The following SLC4A11 variants were observed in gnomAD, a reference collection of about 807,000 sequenced individuals.
SLC4A11 encodes the protein bicarbonate transporter related protein 1.
A neutral mutation model predicts 95.0 loss-of-function variants in SLC4A11; 74 were observed. That is an observed-to-expected ratio of 0.78 (90% CI 0.65 to 0.95). The LOEUF (loss-of-function observed/expected upper bound fraction) is 0.95, where lower values mean the gene tolerates loss of function less well. SLC4A11 is among the 40% of genes least tolerant of loss of function. The pLI is 0.00. For missense variants in SLC4A11, 1,081 were observed against 1,192.4 expected, an observed-to-expected ratio of 0.91 and a Z score of 1.38; for synonymous variants, 548 against 519.0, an observed-to-expected ratio of 1.06 and a Z score of -0.76.
In SLC4A11 at chr20:3,229,028, C is replaced by T. The variant is rs201082919; in HGVS notation, c.2019-17G>A. 24 of 1,610,740 alleles carry T rather than the reference C, an allele frequency of 1.5e-5. No homozygotes were observed. The African/African-American group carries it at 2.8e-4, about 19-fold the overall frequency. On this transcript the variant is annotated splice_polypyrimidine_tract_variant and intron_variant, in intron 16 of 19. Coordinates refer to ENST00000642402, the MANE Select transcript of SLC4A11 (RefSeq NM_001174089.2). Reference sequence around the variant, plus strand: ...TTCACCAGCCTGCAGCAGACGGGCACTCGTGGACAGAGCCCCACAGCAGAG... The same window carrying T: ...TTCACCAGCCTGCAGCAGACGGGCATTCGTGGACAGAGCCCCACAGCAGAG...
At position 3,233,505 on chromosome 20, in the gene SLC4A11, C is replaced by T. The variant is rs765181438; in HGVS notation, c.729+9G>A. 4 of 1,613,506 alleles carry T rather than the reference C, an allele frequency of 2.5e-6. No homozygotes were observed. In the East Asian group the frequency reaches 6.7e-5, roughly 27 times the overall value. ...CCTTCTTCCCCAGGACACGGCACTA[C>T]CCACTCACCATCTTGGGTGGGGCCA... On this transcript the variant is annotated intron_variant, in intron 7 of 19. Transcript: ENST00000642402.
rs771137666 is a variant in SLC4A11 at position 3,229,376 on chromosome 20, T to C, written c.1819A>G (p.Ile607Val). The change falls in exon 15 of 20, where the codon ATC becomes GTC. Residue 607 changes from isoleucine (I) to valine (V), a missense_variant. By Grantham distance (29) the Ile-to-Val change is conservative. Around this residue, in one of 3 missense-constraint regions of SLC4A11, gnomAD observed 767 missense variants for 858.0 expected, o/e 0.89. Coordinates refer to ENST00000642402, the MANE Select transcript of SLC4A11 (RefSeq NM_001174089.2). ...ATTTCCCGGAAGCCATGGGAGCTGA[T>C]GAGGGAGAAGGCGAGCACCGCGATG... The part of the protein sequence containing the change: ...LPIAVLAFSL[I>V]SSHGFREIEM... 2.5e-6 allele frequency: 4 copies of C among 1,613,224 alleles called. No homozygotes were observed. Among genetic ancestry groups the C allele is most frequent in the East Asian group, 2.2e-5 (1 of 44,870 alleles).
rs2067902895 is a variant in SLC4A11, at chr20:3,234,534, G to A, written c.291+34C>T. The stretch of plus-strand genomic sequence containing the variant: ...GCCATCACCTCAGCCCCCAGGTAGA[G>A]GCCCCAGGACCACCTGCAGGACAGG... On this transcript the variant is annotated intron_variant, in intron 4 of 19. Coordinates refer to ENST00000642402, the MANE Select transcript of SLC4A11 (RefSeq NM_001174089.2). This position sits in a 1 kb window ranked among gnomAD's most constrained non-coding sequence, Gnocchi z 5.8. 1 of 1,613,228 alleles carries A rather than the reference G, an allele frequency of 6.2e-7. No homozygotes were observed. The highest frequency in any genetic ancestry group is 1.3e-5 in the African/African-American group (1 of 74,898).
rs776796677 is a variant in SLC4A11, at chr20:3,234,838, C to G, written c.145G>C (p.Asp49His). ...TFEAREEILG[D>H]EAFDTANSSI... is the part of the protein sequence containing the mutation. ...GAGTTGGCAGTGTCGAAGGCCTCAT[C>G]CCCCAGGATCTCCTCTCGGGCTTCG... Residue 49 changes from aspartate (D) to histidine (H), a missense_variant, in exon 3 of 20, where the codon GAT becomes CAT. This residue lies in a region of SLC4A11 where 310 missense variants were observed against 313.5 expected (regional missense o/e 0.99). Coordinates refer to ENST00000642402, the MANE Select transcript of SLC4A11 (RefSeq NM_001174089.2). This position sits in a 1 kb window ranked among gnomAD's most constrained non-coding sequence, Gnocchi z 5.8. 1.9e-6 allele frequency: 3 copies of G among 1,614,062 alleles called. No homozygotes were observed. The highest frequency in any genetic ancestry group is 2.5e-6 in the Non-Finnish European group (3 of 1,180,016).
chr20:3,228,685 G>A lies in SLC4A11; in HGVS notation c.2215C>T (p.Arg739Trp), dbSNP rs757553189. ...ACGCTGGCGCCCAGCGAGGTCAGCCGCGTCTCCTTCACGTTCACAATCCTG... is the reference window on the plus strand; with the variant it reads ...ACGCTGGCGCCCAGCGAGGTCAGCCACGTCTCCTTCACGTTCACAATCCTG... Reference protein sequence around the residue: ...YDTIVNVKETRLTSLGASVLV... With the variant: ...YDTIVNVKETWLTSLGASVLV... Residue 739 changes from arginine to tryptophan, a missense_variant, in exon 18 of 20, where the codon CGG becomes TGG. Physicochemically the swap from Arg to Trp is moderately radical, Grantham distance 101. Coordinates refer to ENST00000642402, the MANE Select transcript of SLC4A11 (RefSeq NM_001174089.2). 13 of 1,612,796 alleles carry A rather than the reference G, an allele frequency of 8.1e-6. No homozygotes were observed. Among genetic ancestry groups the A allele is most frequent in the East Asian group, 2.2e-5 (1 of 44,888 alleles).
At chr20:3,237,406 A>C (rs1421696856) in intron 2 of SLC4A11, 138 bp downstream of exon 2, 3 of 910,420 alleles carry the variant, frequency 3.3e-6, no homozygotes, top group Non-Finnish European at 5.4e-6. Flanking sequence ...GAAGAGTGGA[A>C]GCCAAAAGCA....
intron 2 of SLC4A11, among the ~76,000 whole-genome samples, chr20:3,235,973 T>C (rs2014426): frequency 0.64 from 96,934 of 151,960 alleles, 31,505 homozygotes; most frequent in African/African-American, 0.76. Context: ...CAGCCCTTCC[T>C]GTCTTGTGGG....
rs189741584 is a variant in SLC4A11, at chr20:3,235,138, T to G, written c.89-244A>C. On this transcript the variant is annotated intron_variant, in intron 2 of 19. Coordinates refer to ENST00000642402, the MANE Select transcript of SLC4A11 (RefSeq NM_001174089.2). ...GCTGAGACCAGGACCCTGCGCAGCT[T>G]TGACCCTTCAGCGTGAGAAAAACAT... Among the ~76,000 whole-genome samples the G allele has an allele frequency of 2.3e-3, 344 of 152,316 alleles. 1 individual carries two copies. Among genetic ancestry groups the G allele is most frequent in the African/African-American group, 7.8e-3 (326 of 41,556 alleles).
intron 1 of SLC4A11, chr20:3,238,871 G>A: frequency 8.1e-7 from 1 of 1,232,004 alleles, no homozygotes; most frequent in Non-Finnish European, 1.0e-6. Flanking sequence ...GACGGCGACA[G>A]CAGAGCCCTA....
Position 3,238,540 on chromosome 20 carries a change from G to A in SLC4A11, c.43+555C>T, listed in dbSNP as rs114294671. 5,270 of 993,802 alleles carry A rather than the reference G, an allele frequency of 5.3e-3. 17 individuals are homozygous for A. Among genetic ancestry groups the A allele is most frequent in the Middle Eastern group, 9.6e-3 (19 of 1,970 alleles). The allele number at this position is 993,802 out of a possible 1,614,324, so 61.6% of individuals were successfully genotyped here. A position where few individuals can be genotyped will look rare whatever the true frequency, so the allele number is the denominator to read the frequency against. On this transcript the variant is annotated intron_variant, in intron 1 of 19. Transcript: ENST00000642402. ...GCGGCCCACGTGCAGGTAAAGGGTC[G>A]TACAAACCTGGGTCCTGGCGGGGAC...
rs1348785567 is a variant in SLC4A11, at chr20:3,228,319, C to T, written c.2498G>A (p.Ser833Asn). Residue 833 changes from serine (S) to asparagine (N), a missense_variant, in exon 19 of 20, where the codon AGC becomes AAC. Ser to Asn is a conservative substitution (Grantham distance 46, BLOSUM62 1). Around this residue, in one of 3 missense-constraint regions of SLC4A11, gnomAD observed 767 missense variants for 858.0 expected, o/e 0.89. Transcript: ENST00000642402. ...QLLLLCAFGM[S>N]SLPYMKMIFP... is the part of the protein sequence containing the mutation. ...GATCATCTTCATGTAGGGCAGGGAGCTCATGCCGAAGGCACACAGCAGCAG... is the reference window on the plus strand; with the variant it reads ...GATCATCTTCATGTAGGGCAGGGAGTTCATGCCGAAGGCACACAGCAGCAG... 1.3e-5 allele frequency: 21 copies of T among 1,613,102 alleles called. No individual in the cohort carries two copies. In the South Asian group the frequency reaches 2.1e-4, roughly 16 times the overall value.
At chr20:3,238,834 G>C in intron 1 of SLC4A11, 1 of 1,193,664 alleles carries the variant, frequency 8.4e-7, no homozygotes, top group South Asian at 3.9e-5. Context: ...CGCTGCATCA[G>C]CTGTTCAAAC....
rs553992757 is a variant in SLC4A11, at chr20:3,229,148, G to A, written c.1965C>T (p.Leu655=). The part of the protein sequence containing the change: ...AMGLGFLLSM[L]FFIEQNLVAA... ...CCACCAAGTTCTGCTCGATGAAGAA[G>A]AGCATGGACAGCAGGAAGCCGAGGC... The change falls in exon 16 of 20, where the codon CTC becomes CTT. Residue 655 remains leucine (L), a synonymous_variant. Coordinates refer to ENST00000642402, the MANE Select transcript of SLC4A11 (RefSeq NM_001174089.2). 8.1e-6 allele frequency: 13 copies of A among 1,602,680 alleles called. No homozygotes were observed. The East Asian group carries it at 2.2e-4, about 28-fold the overall frequency.
chr20:3,233,556 A>G lies in SLC4A11; in HGVS notation c.687T>C (p.Cys229=), dbSNP rs1436338313. 2 of 1,613,578 alleles carry G rather than the reference A, an allele frequency of 1.2e-6. No individual in the cohort carries two copies. The highest frequency in any genetic ancestry group is 2.2e-5 in the East Asian group (1 of 44,850). ...GCACCAGGATGACGAACCGAACCTC[A>G]CAGGAATTCTCCCCCCAGTTCTGTG... ...VRPQNWGENS[C]EVRFVILVLA... Residue 229 remains cysteine, a synonymous_variant, in exon 7 of 20, where the codon TGT becomes TGC. Coordinates refer to ENST00000642402, the MANE Select transcript of SLC4A11 (RefSeq NM_001174089.2).
rs1049714081 is a variant in SLC4A11, at chr20:3,234,145, C to T, written c.461G>A (p.Cys154Tyr). ...CATGGCCATGAGCAGGTCCAGGTTGCAGTTGGGCTCATTGTTGTCAGGGTC... is the reference window on the plus strand; with the variant it reads ...CATGGCCATGAGCAGGTCCAGGTTGTAGTTGGGCTCATTGTTGTCAGGGTC... ...ARDPDNNEPN[C>Y]NLDLLMAMLF... The change falls in exon 5 of 20, where the codon TGC (cysteine) becomes TAC (tyrosine). Residue 154 changes from cysteine to tyrosine, a missense_variant. By Grantham distance (194) the Cys-to-Tyr change is radical. Coordinates refer to ENST00000642402, the MANE Select transcript of SLC4A11 (RefSeq NM_001174089.2). The surrounding 1 kb of genome is among the most constrained non-coding windows in gnomAD (Gnocchi z 5.8). 2 of 1,614,016 alleles carry T rather than the reference C, an allele frequency of 1.2e-6. No individual in the cohort carries two copies. Among genetic ancestry groups the T allele is most frequent in the Non-Finnish European group, 1.7e-6 (2 of 1,180,028 alleles).
Position 3,234,451 on chromosome 20 carries a change from T to C in SLC4A11, c.291+117A>G. Reference sequence around the variant, plus strand: ...CAGCCCTGGGCTGGTGCGAGCTCCCTGTTGAGCTGCTCCTGGAGGCATGGG... The same window carrying C: ...CAGCCCTGGGCTGGTGCGAGCTCCCCGTTGAGCTGCTCCTGGAGGCATGGG... On this transcript the variant is annotated intron_variant, in intron 4 of 19. Coordinates refer to ENST00000642402, the MANE Select transcript of SLC4A11 (RefSeq NM_001174089.2). This position sits in a 1 kb window ranked among gnomAD's most constrained non-coding sequence, Gnocchi z 5.8. 4 of 1,492,658 alleles carry C rather than the reference T, an allele frequency of 2.7e-6. No homozygotes were observed. The highest frequency in any genetic ancestry group is 3.7e-6 in the Non-Finnish European group (4 of 1,074,374). 92.5% of individuals were successfully genotyped at this position (1,492,658 alleles called of 1,614,324 possible). A position where few individuals can be genotyped will look rare whatever the true frequency, so the allele number is the denominator to read the frequency against.
rs41281866 is a variant in SLC4A11 at position 3,234,936 on chromosome 20, C to A, written c.89-42G>T. The A allele has an allele frequency of 6.2e-7, 1 of 1,612,412 alleles. No homozygotes were observed. The highest frequency in any genetic ancestry group is 1.1e-5 in the South Asian group (1 of 91,052). On this transcript the variant is annotated intron_variant, in intron 2 of 19. Transcript: ENST00000642402. The surrounding 1 kb of genome is among the most constrained non-coding windows in gnomAD (Gnocchi z 5.8). ...GCAAGAGGGCCTGGCTGTTAAAGTG[C>A]CACACACAGGAAGGAGGGGCTCCAA...
In SLC4A11 at chr20:3,234,966, A is replaced by G; in HGVS notation, c.89-72T>C. The stretch of plus-strand genomic sequence containing the variant: ...CACAGGAAGGAGGGGCTCCAAGCCC[A>G]GGGAGCAGGGACCCCTGGACTGTCC... On this transcript the variant is annotated intron_variant, in intron 2 of 19. Coordinates refer to ENST00000642402, the MANE Select transcript of SLC4A11 (RefSeq NM_001174089.2). The surrounding 1 kb of genome is among the most constrained non-coding windows in gnomAD (Gnocchi z 5.8). 2 of 1,589,764 alleles carry G rather than the reference A, an allele frequency of 1.3e-6. No homozygotes were observed.
At chr20:3,238,235 G>C in intron 1 of SLC4A11, 1 of 1,367,438 alleles carries the variant, frequency 7.3e-7, no homozygotes, top group Non-Finnish European at 9.4e-7. Context: ...ACATGGGTCG[G>C]GGGAGGCTGC....
Sources: gnomAD v4.1 joint callset for allele counts (sites outside exome capture counted in the v4.1 genomes callset) on GRCh38, gnomAD v4.1.1 for gene constraint, gnomAD v4.1.1 regional missense constraint, Gnocchi (gnomAD v3.1) non-coding constraint, MANE v1.5 for transcripts, NCBI Gene and HGNC (gene_info 2026-07-23, HGNC 2026-07-21) for gene names.